The following ANKH variants were observed in gnomAD, a reference collection of about 807,000 sequenced individuals.
The protein encoded by ANKH is mineralization regulator ANKH.
In ANKH, 15 loss-of-function variants were observed where a neutral mutation model predicts 49.0. The observed-to-expected ratio is 0.31, with a 90% confidence interval of 0.20 to 0.47. The LOEUF (loss-of-function observed/expected upper bound fraction) is 0.47, where lower values mean the gene tolerates loss of function less well. ANKH is among the 20% of genes least tolerant of loss of function. The pLI is 1.00. For synonymous variants in ANKH, 273 were observed against 260.0 expected, an observed-to-expected ratio of 1.05 and a Z score of -0.48; for missense variants, 429 against 652.0, an observed-to-expected ratio of 0.66 and a Z score of 3.72.
intron 1 of ANKH, among the ~76,000 whole-genome samples, chr5:14,787,295 C>T (rs1740010409): frequency 1.3e-5 from 2 of 151,910 alleles, no homozygotes; most frequent in African/African-American, 4.8e-5. Context: ...GCCTGGGCAA[C>T]AGAGCAAGAC....
chr5:14,857,969 T>C (rs1248364826), intron 1 of ANKH, among the ~76,000 whole-genome samples: 6 of 152,138 alleles, frequency 3.9e-5, no homozygotes, highest in Non-Finnish European at 4.4e-5. Context: ...TCCAAAGAAA[T>C]AATCAGATGT....
intron 9 of ANKH, among the ~76,000 whole-genome samples, chr5:14,714,824 G>C (rs553162392): frequency 1.3e-5 from 2 of 152,226 alleles, no homozygotes; most frequent in African/African-American, 4.8e-5. Flanking sequence ...CAAATGGACA[G>C]TAAAGGTGAA....
rs33954395 is a variant in ANKH, at chr5:14,745,226, T to TAA, written c.915+642_915+643dup. Among the ~76,000 whole-genome samples the TAA allele has an allele frequency of 3.6e-4, 55 of 151,964 alleles. No homozygotes were observed. The highest frequency in any genetic ancestry group is 1.3e-3 in the African/African-American group (55 of 41,340). On this transcript the variant is annotated intron_variant, in intron 7 of 11. Transcript: ENST00000284268. The surrounding 1 kb of genome is among the most constrained non-coding windows in gnomAD (Gnocchi z 4.7). ...TCACCAGCCATTTGTTTTAGAGTATTAAAAAAAGTCTATAGGTTTAAATGA... is the reference window on the plus strand; with the variant it reads ...TCACCAGCCATTTGTTTTAGAGTATTAAAAAAAAAGTCTATAGGTTTAAATGA...
At chr5:14,799,348 A>G (rs1740492688) in intron 1 of ANKH, among the ~76,000 whole-genome samples, 1 of 152,260 alleles carries the variant, frequency 6.6e-6, no homozygotes, top group Non-Finnish European at 1.5e-5. Context: ...TATCCAGAAG[A>G]TCTAGCTAAG....
intron 8 of ANKH, among the ~76,000 whole-genome samples, chr5:14,731,369 G>A (rs745928111): frequency 7.9e-5 from 12 of 152,316 alleles, no homozygotes; most frequent in Middle Eastern, 3.4e-3. Context: ...GAAAGCCCAA[G>A]TGCTCAGAGT....
chr5:14,856,852 T>C (rs370764590), intron 1 of ANKH, among the ~76,000 whole-genome samples: 7 of 152,214 alleles, frequency 4.6e-5, no homozygotes, highest in African/African-American at 1.7e-4. Context: ...TATTCACCTA[T>C]TCATCTTCGA....
At chr5:14,735,499 T>A (rs1205688717) in intron 8 of ANKH, among the ~76,000 whole-genome samples, 1 of 152,236 alleles carries the variant, frequency 6.6e-6, no homozygotes, top group African/African-American at 2.4e-5. Flanking sequence ...ATCATAGTTG[T>A]TAGCTTGCCA....
chr5:14,823,754 C>T lies in ANKH; in HGVS notation c.96+47598G>A, dbSNP rs374734548. Among the ~76,000 whole-genome samples, 55 of 152,290 alleles carry T rather than the reference C, an allele frequency of 3.6e-4. No individual in the cohort carries two copies. In the East Asian group the frequency reaches 7.7e-3, roughly 21 times the overall value. On this transcript the variant is annotated intron_variant, in intron 1 of 11. Coordinates refer to ENST00000284268, the MANE Select transcript of ANKH (RefSeq NM_054027.6). Reference sequence around the variant, plus strand: ...CCAGCCTGGCCAACATGGTGAAATCCTGTCTCCACTAAAAATATAAAAATT... The same window carrying T: ...CCAGCCTGGCCAACATGGTGAAATCTTGTCTCCACTAAAAATATAAAAATT...
chr5:14,769,728 TGAAA>T (rs895255628), intron 1 of ANKH, among the ~76,000 whole-genome samples: 5 of 152,148 alleles, frequency 3.3e-5, no homozygotes, highest in African/African-American at 9.7e-5. Context: ...AAAAAGGTAC[TGAAA>T]GAATTTATTA....
Position 14,725,496 on chromosome 5 carries a change from T to C in ANKH, c.1012-8661A>G, listed in dbSNP as rs1040053155. Among the ~76,000 whole-genome samples the C allele has an allele frequency of 2.0e-5, 3 of 152,222 alleles. No individual in the cohort carries two copies. Among genetic ancestry groups the C allele is most frequent in the African/African-American group, 7.2e-5 (3 of 41,452 alleles). The stretch of plus-strand genomic sequence containing the variant: ...TTATCCCATCACGGATGGCCAGACC[T>C]CTGGCACTCATCTGCAAACCCCGAG... On this transcript the variant is annotated intron_variant, in intron 8 of 11. Coordinates refer to ENST00000284268, the MANE Select transcript of ANKH (RefSeq NM_054027.6). This position sits in a 1 kb window ranked among gnomAD's most constrained non-coding sequence, Gnocchi z 4.0.
At chr5:14,828,307 C>T (rs1489605349) in intron 1 of ANKH, among the ~76,000 whole-genome samples, 1 of 152,156 alleles carries the variant, frequency 6.6e-6, no homozygotes, top group Non-Finnish European at 1.5e-5. Flanking sequence ...GCCTGGCCAA[C>T]ATGGTGAAAC....
At chr5:14,757,111 T>G (rs1236472062) in intron 3 of ANKH, among the ~76,000 whole-genome samples, 3 of 150,610 alleles carry the variant, frequency 2.0e-5, no homozygotes, top group Admixed American at 6.6e-5. Flanking sequence ...TCAACACAGA[T>G]GGGAGGACAG....
In ANKH at chr5:14,722,904, C is replaced by T. The variant is rs181803853; in HGVS notation, c.1012-6069G>A. Reference sequence around the variant, plus strand: ...ATCAAGGTCAACATCCACGCACATACCCTCGATAAGATGTGATGACAGTGG... The same window carrying T: ...ATCAAGGTCAACATCCACGCACATATCCTCGATAAGATGTGATGACAGTGG... On this transcript the variant is annotated intron_variant, in intron 8 of 11. Transcript: ENST00000284268. Among the ~76,000 whole-genome samples, 15 of 151,984 alleles carry T rather than the reference C, an allele frequency of 9.9e-5. No individual in the cohort carries two copies. The East Asian group carries it at 2.7e-3, about 28-fold the overall frequency.
chr5:14,758,454 G>C (rs779381179), intron 3 of ANKH, 26 bp downstream of exon 3: 2 of 1,563,352 alleles, frequency 1.3e-6, no homozygotes, highest in Non-Finnish European at 1.8e-6. Context: ...GAAAAAGAAA[G>C]AAAGCCAACG....
intron 1 of ANKH, among the ~76,000 whole-genome samples, chr5:14,836,376 C>A (rs1202389104): frequency 2.6e-5 from 4 of 152,250 alleles, no homozygotes; most frequent in African/African-American, 7.2e-5. Context: ...ACCCCATCAT[C>A]TCAGCCCCAA....
intron 6 of ANKH, 64 bp from the exon 7 acceptor site, chr5:14,746,026 T>G (rs1472032378): frequency 7.2e-7 from 1 of 1,380,448 alleles, no homozygotes. Context: ...GGAGCTACAG[T>G]AGGTGACGAA....
intron 8 of ANKH, among the ~76,000 whole-genome samples, chr5:14,732,105 G>T (rs1486167335): frequency 6.6e-6 from 1 of 152,184 alleles, no homozygotes; most frequent in Non-Finnish European, 1.5e-5. Flanking sequence ...GGTCCTTACT[G>T]GCATTTTCTA....
intron 1 of ANKH, among the ~76,000 whole-genome samples, chr5:14,839,861 C>A (rs80011923): frequency 6.6e-6 from 1 of 152,168 alleles, no homozygotes; most frequent in Non-Finnish European, 1.5e-5. Flanking sequence ...CAAGCACGTA[C>A]CCCATCAGAG....
At chr5:14,746,168 C>T (rs1274677483) in intron 6 of ANKH, among the ~76,000 whole-genome samples, 3 of 152,100 alleles carry the variant, frequency 2.0e-5, no homozygotes, top group East Asian at 1.9e-4. Flanking sequence ...GGTACTCTGC[C>T]TCATCCCTGG....
Sources: allele counts gnomAD v4.1 joint callset (sites outside exome capture counted in the v4.1 genomes callset), GRCh38; gene constraint gnomAD v4.1.1; non-coding constraint Gnocchi (gnomAD v3.1); transcripts MANE v1.5; gene names NCBI Gene and HGNC (gene_info 2026-07-23, HGNC 2026-07-21).